The following ASZ1 variants were observed in gnomAD, a reference collection of about 807,000 sequenced individuals.
ASZ1 encodes ankyrin repeat, SAM and basic leucine zipper domain containing 1, also known as ankyrin repeat, SAM and basic leucine zipper domain-containing protein 1.
In ASZ1, 67 loss-of-function variants were observed where a neutral mutation model predicts 61.8. That is an observed-to-expected ratio of 1.08 (90% CI 0.89 to 1.33). The LOEUF is 1.33. Ranked by LOEUF, ASZ1 falls within the 40% of genes most tolerant of loss-of-function variation. The pLI is 0.00. For missense variants in ASZ1, 577 were observed against 554.5 expected, an observed-to-expected ratio of 1.04 and a Z score of -0.41; for synonymous variants, 193 against 192.7, an observed-to-expected ratio of 1.00 and a Z score of -0.01.
At chr7:117,384,652 GAAT>G in intron 6 of ASZ1, 71 bp downstream of exon 6, 1 of 1,468,538 alleles carries the variant, frequency 6.8e-7, no homozygotes, top group Admixed American at 2.1e-5. Flanking sequence ...AATTCTAACA[GAAT>G]AATACAAAAG....
At chr7:117,403,361 C>T (rs1796716466) in intron 4 of ASZ1, among the ~76,000 whole-genome samples, 1 of 152,096 alleles carries the variant, frequency 6.6e-6, no homozygotes, top group South Asian at 2.1e-4. Context: ...GGGCTAACTC[C>T]TTAATACTTT....
At chr7:117,368,189 A>G (rs1795979910) in intron 11 of ASZ1, 1 of 893,892 alleles carries the variant, frequency 1.1e-6, no homozygotes. Flanking sequence ...GGCCTCCCAA[A>G]GTGTTGGGAT....
At chr7:117,409,205 T>C (rs1020007440) in intron 4 of ASZ1, among the ~76,000 whole-genome samples, 2 of 151,992 alleles carry the variant, frequency 1.3e-5, no homozygotes, top group African/African-American at 4.8e-5. Flanking sequence ...TTATTTTATT[T>C]AAAACATATT....
intron 10 of ASZ1, among the ~76,000 whole-genome samples, chr7:117,369,254 T>C (rs1005303467): frequency 1.3e-5 from 2 of 152,082 alleles, no homozygotes; most frequent in Non-Finnish European, 1.5e-5. Flanking sequence ...GAAGAGATTC[T>C]GGATAAAGAG....
intron 10 of ASZ1, among the ~76,000 whole-genome samples, chr7:117,375,179 A>G (rs1393218846): frequency 1.3e-5 from 2 of 152,066 alleles, no homozygotes; most frequent in African/African-American, 4.8e-5. Context: ...ATCTAGGTGA[A>G]AATTACTGAA....
intron 10 of ASZ1, among the ~76,000 whole-genome samples, chr7:117,373,747 C>T (rs1476291000): frequency 6.6e-6 from 1 of 152,032 alleles, no homozygotes; most frequent in East Asian, 1.9e-4. Flanking sequence ...GCTTTTAATA[C>T]GTGAACTATT....
intron 10 of ASZ1, among the ~76,000 whole-genome samples, chr7:117,377,122 A>G (rs1409131165): frequency 6.6e-6 from 1 of 152,152 alleles, no homozygotes; most frequent in Non-Finnish European, 1.5e-5. Flanking sequence ...ATGGAAACAA[A>G]TAAAAAGAGA....
At chr7:117,413,000 TTAAAGTGGTAACATTGTTCTG>T (rs1796925726) in intron 4 of ASZ1, among the ~76,000 whole-genome samples, 1 of 151,858 alleles carries the variant, frequency 6.6e-6, no homozygotes, top group Non-Finnish European at 1.5e-5. Flanking sequence ...TTAAGCTAAA[TTAAAGTGGTAACATTGTTCTG>T]TTCCCATACT....
At chr7:117,363,790 A>G (rs1562842572) in intron 12 of ASZ1, 42 bp from the exon 13 acceptor site, 2 of 1,395,602 alleles carry the variant, frequency 1.4e-6, no homozygotes, top group Non-Finnish European at 1.9e-6. Flanking sequence ...GTTACTGTAC[A>G]ATACATTAAT....
Position 117,385,715 on chromosome 7 carries a change from C to A in ASZ1, c.535G>T (p.Asp179Tyr), listed in dbSNP as rs1244369596. The A allele has an allele frequency of 2.5e-6, 4 of 1,607,214 alleles. No individual in the cohort carries two copies. Among genetic ancestry groups the A allele is most frequent in the Non-Finnish European group, 3.4e-6 (4 of 1,173,992 alleles). The change falls in exon 5 of 13, where the codon GAT (aspartate) becomes TAT (tyrosine). Residue 179 changes from aspartate (D) to tyrosine (Y), a missense_variant. Transcript: ENST00000284629. Reference sequence around the variant, plus strand: ...TTTCTCACAGTGTAACCATTCTCATCCTGGGTATTAACTTCTGCTCCATGA... The same window carrying A: ...TTTCTCACAGTGTAACCATTCTCATACTGGGTATTAACTTCTGCTCCATGA... The part of the protein sequence containing the change: ...VAHGAEVNTQ[D>Y]ENGYTALTWA...
chr7:117,417,238 C>A (rs931805873), intron 4 of ASZ1, among the ~76,000 whole-genome samples: 1 of 152,096 alleles, frequency 6.6e-6, no homozygotes, highest in Non-Finnish European at 1.5e-5. Flanking sequence ...AAGTACGTGA[C>A]CATCTATCTA....
chr7:117,402,063 T>A (rs1004037186), intron 4 of ASZ1, among the ~76,000 whole-genome samples: 3 of 152,112 alleles, frequency 2.0e-5, no homozygotes, highest in African/African-American at 7.2e-5. Flanking sequence ...TACAAACTAT[T>A]AACAAAAGAG....
chr7:117,366,177 T>C (rs1224561155), intron 12 of ASZ1, among the ~76,000 whole-genome samples: 1 of 152,060 alleles, frequency 6.6e-6, no homozygotes, highest in African/African-American at 2.4e-5. Flanking sequence ...GGCAGGAGAA[T>C]TGCTTGAATC....
chr7:117,414,953 ATG>A (rs1333616805), intron 4 of ASZ1, among the ~76,000 whole-genome samples: 3 of 118,310 alleles, frequency 2.5e-5, no homozygotes, highest in African/African-American at 1.9e-4. Context: ...ATGTGTGCAC[ATG>A]TCTTTATAGC....
chr7:117,414,702 C>T (rs1348993650), intron 4 of ASZ1, among the ~76,000 whole-genome samples: 2 of 152,116 alleles, frequency 1.3e-5, no homozygotes, highest in Non-Finnish European at 2.9e-5. Flanking sequence ...TCTCACTGTT[C>T]AACTCCCACT....
Position 117,379,116 on chromosome 7 carries a change from C to T in ASZ1, c.1055+822G>A, listed in dbSNP as rs74959838. 5.0e-4 allele frequency among the ~76,000 whole-genome samples: 60 copies of T among 120,884 alleles called. No homozygotes were observed. The East Asian group carries it at 0.016, about 33-fold the overall frequency. The allele number at this position is 120,884 out of a possible 152,430, so 79.3% of individuals were successfully genotyped here. A position where few individuals can be genotyped will look rare whatever the true frequency, so the allele number is the denominator to read the frequency against. On this transcript the variant is annotated intron_variant, in intron 10 of 12. Transcript: ENST00000284629. ...TGAACACGGAAGTAGTTACATGAAG[C>T]TATAAATGTGATAAAATTATATATA...
intron 10 of ASZ1, among the ~76,000 whole-genome samples, chr7:117,373,353 C>G (rs1225673788): frequency 6.6e-6 from 1 of 152,056 alleles, no homozygotes; most frequent in African/African-American, 2.4e-5. Flanking sequence ...GGACTACAGG[C>G]ACACCCCACG....
chr7:117,427,377 C>T lies in ASZ1; in HGVS notation c.84G>A (p.Gly28=). The T allele has an allele frequency of 6.2e-7, 1 of 1,614,214 alleles. No homozygotes were observed. Among genetic ancestry groups the T allele is most frequent in the Non-Finnish European group, 8.5e-7 (1 of 1,180,024 alleles). Residue 28 remains glycine, a synonymous_variant, in exon 1 of 13, where the codon GGG becomes GGA. Coordinates refer to ENST00000284629, the MANE Select transcript of ASZ1 (RefSeq NM_130768.3). Reference sequence around the variant, plus strand: ...CTACCTGAGACGTCCGGTCGAGATACCCAATCTCCCAGCCATCATCCTCGC... The same window carrying T: ...CTACCTGAGACGTCCGGTCGAGATATCCAATCTCCCAGCCATCATCCTCGC... ...SESEDDGWEI[G]YLDRTSQKLK...
At chr7:117,369,927 G>C (rs564858087) in intron 10 of ASZ1, among the ~76,000 whole-genome samples, 1 of 152,240 alleles carries the variant, frequency 6.6e-6, no homozygotes, top group East Asian at 1.9e-4. Context: ...AAATGTTTCC[G>C]TATCTCTAGA....
Sources: gnomAD v4.1 joint callset for allele counts (sites outside exome capture counted in the v4.1 genomes callset) on GRCh38, gnomAD v4.1.1 for gene constraint, MANE v1.5 for transcripts, NCBI Gene and HGNC (gene_info 2026-07-23, HGNC 2026-07-21) for gene names.